KCNMB2: variants seen among roughly 807,000 people sequenced by gnomAD.
KCNMB2 encodes the protein calcium-activated potassium channel subunit beta-2.
Under a neutral mutation model 24.5 loss-of-function variants are expected in KCNMB2, and 9 were observed. The observed-to-expected ratio is 0.37, with a 90% confidence interval of 0.22 to 0.64. KCNMB2 has a LOEUF of 0.64. KCNMB2 is among the 30% of genes least tolerant of loss of function. The probability of loss-of-function intolerance (pLI) is 0.63; values close to 1 mark genes in which losing one functional copy is unlikely to be tolerated. For missense variants in KCNMB2, 226 were observed against 284.3 expected, an observed-to-expected ratio of 0.79 and a Z score of 1.47; for synonymous variants, 109 against 104.4, an observed-to-expected ratio of 1.04 and a Z score of -0.27.
intron 1 of KCNMB2, among the ~76,000 whole-genome samples, chr3:178,610,407 T>G (rs944827031): frequency 1.3e-5 from 2 of 152,222 alleles, no homozygotes; most frequent in Non-Finnish European, 2.9e-5. Context: ...TTCCATTTTT[T>G]GATGTCCTCT....
At chr3:178,550,029 G>T (rs1385500486) in intron 1 of KCNMB2, among the ~76,000 whole-genome samples, 2 of 151,978 alleles carry the variant, frequency 1.3e-5, no homozygotes, top group East Asian at 3.9e-4. Context: ...CCTTGATAAG[G>T]TCAGTGTTAT....
chr3:178,586,948 T>A (rs1255968867), intron 1 of KCNMB2, among the ~76,000 whole-genome samples: 1 of 152,198 alleles, frequency 6.6e-6, no homozygotes, highest in African/African-American at 2.4e-5. Flanking sequence ...TATGTTTAGA[T>A]TTTTTAATCC....
intron 1 of KCNMB2, among the ~76,000 whole-genome samples, chr3:178,584,556 T>C (rs1261095748): frequency 6.6e-6 from 1 of 152,202 alleles, no homozygotes; most frequent in Non-Finnish European, 1.5e-5. Context: ...GCTAAGTGCT[T>C]TGTTCATTAT....
rs528260532 is a variant in KCNMB2 at position 178,733,677 on chromosome 3, C to T, written c.-67-73666C>T. Among the ~76,000 whole-genome samples the T allele has an allele frequency of 1.4e-4, 22 of 152,028 alleles. 1 individual carries two copies. In the South Asian group the frequency reaches 4.4e-3, roughly 30 times the overall value. On this transcript the variant is annotated intron_variant, in intron 1 of 4. Coordinates refer to ENST00000452583, the MANE Select transcript of KCNMB2 (RefSeq NM_181361.3). ...TGTATTTTTAGGAGGGATGGGGTTT[C>T]GCCATGTTAGCTAGGATGGTCTTGA...
At chr3:178,619,976 T>C (rs1371337950) in intron 1 of KCNMB2, among the ~76,000 whole-genome samples, 1 of 152,234 alleles carries the variant, frequency 6.6e-6, no homozygotes, top group Non-Finnish European at 1.5e-5. Flanking sequence ...TATTACTTAC[T>C]GAGCATCTAC....
At position 178,582,352 on chromosome 3, in the gene KCNMB2, G is replaced by A. The variant is rs942443429; in HGVS notation, c.-68+45641G>A. On this transcript the variant is annotated intron_variant, in intron 1 of 4. Transcript: ENST00000452583. The stretch of plus-strand genomic sequence containing the variant: ...ACAGGGAGAGAACATCACACACCAG[G>A]GCCTGTGGCGGGGTGGGAGTTAGGG... Among the ~76,000 whole-genome samples the A allele has an allele frequency of 1.6e-4, 24 of 152,034 alleles. 1 individual carries two copies. Among genetic ancestry groups the A allele is most frequent in the Admixed American group, 1.4e-3 (22 of 15,270 alleles).
At chr3:178,619,215 A>G (rs2108525213) in intron 1 of KCNMB2, among the ~76,000 whole-genome samples, 2 of 152,314 alleles carry the variant, frequency 1.3e-5, no homozygotes, top group Middle Eastern at 6.8e-3. Context: ...AGGGCCTTAT[A>G]TACTATCTTT....
chr3:178,550,566 T>C (rs1715918776), intron 1 of KCNMB2, among the ~76,000 whole-genome samples: 1 of 151,800 alleles, frequency 6.6e-6, no homozygotes, highest in Admixed American at 6.6e-5. Flanking sequence ...TCCCAGGAGT[T>C]AGGAGTGAGA....
intron 1 of KCNMB2, among the ~76,000 whole-genome samples, chr3:178,602,870 G>A (rs769624588): frequency 4.6e-5 from 7 of 152,184 alleles, no homozygotes; most frequent in Non-Finnish European, 1.0e-4. Flanking sequence ...CAAGTTCCCA[G>A]ATGACACAGA....
intron 1 of KCNMB2, among the ~76,000 whole-genome samples, chr3:178,737,792 C>T (rs933133920): frequency 7.9e-5 from 12 of 152,170 alleles, no homozygotes; most frequent in Non-Finnish European, 2.9e-5. Flanking sequence ...GGAAAAACAA[C>T]TCAGAGATGA....
chr3:178,576,144 C>G (rs925735211), intron 1 of KCNMB2, among the ~76,000 whole-genome samples: 4 of 151,818 alleles, frequency 2.6e-5, no homozygotes, highest in Non-Finnish European at 5.9e-5. Flanking sequence ...AACTGAGGTA[C>G]CCGGCTCATC....
chr3:178,679,582 C>A (rs1416896830), intron 1 of KCNMB2, among the ~76,000 whole-genome samples: 2 of 152,162 alleles, frequency 1.3e-5, no homozygotes, highest in African/African-American at 4.8e-5. Context: ...TGATTTAGAT[C>A]TGCAAAAGAA....
chr3:178,770,473 T>A (rs1257919658), intron 1 of KCNMB2, among the ~76,000 whole-genome samples: 1 of 152,236 alleles, frequency 6.6e-6, no homozygotes, highest in East Asian at 1.9e-4. Flanking sequence ...TGCGGTATTG[T>A]ATGAAGGCCA....
At chr3:178,679,036 G>GTTT (rs1395066916) in intron 1 of KCNMB2, among the ~76,000 whole-genome samples, 7 of 128,538 alleles carry the variant, frequency 5.4e-5, no homozygotes, top group Non-Finnish European at 8.4e-5. Context: ...TTTTTTGTTT[G>GTTT]TTTGTTTTTT....
At chr3:178,576,522 A>T (rs1358043162) in intron 1 of KCNMB2, among the ~76,000 whole-genome samples, 2 of 152,158 alleles carry the variant, frequency 1.3e-5, no homozygotes, top group Non-Finnish European at 2.9e-5. Flanking sequence ...AGGGGGCTGA[A>T]GCCAGGGAGC....
At chr3:178,838,570 CA>C (rs10706377) in intron 4 of KCNMB2, among the ~76,000 whole-genome samples, 85,033 of 132,326 alleles carry the variant, frequency 0.64, 25,892 homozygotes, top group African/African-American at 0.81. Flanking sequence ...TACAGCTCAG[CA>C]AAAAAAAAAA....
intron 1 of KCNMB2, among the ~76,000 whole-genome samples, chr3:178,769,958 T>C (rs749713539): frequency 6.6e-6 from 1 of 152,214 alleles, no homozygotes; most frequent in Non-Finnish European, 1.5e-5. Context: ...GAAAAAAATG[T>C]CTGTAACTCA....
intron 1 of KCNMB2, among the ~76,000 whole-genome samples, chr3:178,541,613 AAAT>A (rs572424465): frequency 6.7e-4 from 102 of 152,344 alleles, no homozygotes; most frequent in African/African-American, 2.4e-3. Flanking sequence ...AATTGGATTT[AAAT>A]AATAATGTCC....
At chr3:178,815,028 CT>C (rs140455937) in intron 2 of KCNMB2, among the ~76,000 whole-genome samples, 6 of 151,100 alleles carry the variant, frequency 4.0e-5, no homozygotes, top group Admixed American at 6.6e-5. Context: ...TGAGCACTGT[CT>C]TTTTTTTTGT....
Sources: gnomAD v4.1 joint callset for allele counts (sites outside exome capture counted in the v4.1 genomes callset) on GRCh38, gnomAD v4.1.1 for gene constraint, MANE v1.5 for transcripts, NCBI Gene and HGNC (gene_info 2026-07-23, HGNC 2026-07-21) for gene names.